DTX4: variants seen among roughly 807,000 people sequenced by gnomAD.
DTX4 encodes the protein deltex E3 ubiquitin ligase 4.
A neutral mutation model predicts 57.6 loss-of-function variants in DTX4; 28 were observed. The observed-to-expected ratio is 0.49, with a 90% confidence interval of 0.36 to 0.67. The LOEUF (loss-of-function observed/expected upper bound fraction) is 0.67. Among genes scored for constraint, DTX4 ranks in the 30% least tolerant of loss-of-function variants. The pLI, the probability that DTX4 is intolerant of heterozygous loss-of-function variation, is 0.00. For missense variants in DTX4, 715 were observed against 836.8 expected, an observed-to-expected ratio of 0.85 and a Z score of 1.80; for synonymous variants, 316 against 331.0, an observed-to-expected ratio of 0.95 and a Z score of 0.49.
chr11:59,195,196 T>G lies in DTX4; in HGVS notation c.1375-12T>G, dbSNP rs760002770. On this transcript the variant is annotated splice_polypyrimidine_tract_variant and intron_variant, in intron 6 of 8. Transcript: ENST00000227451. ...GTTTCCCAATCTGGCTCTTCTGGCC[T>G]TGGCCCCTCAGGATGGAAGTTTGCA... is the stretch of plus-strand genomic sequence containing the variant. 3 of 1,613,982 alleles carry G rather than the reference T, an allele frequency of 1.9e-6. No homozygotes were observed. The highest frequency in any genetic ancestry group is 2.5e-6 in the Non-Finnish European group (3 of 1,179,852).
At chr11:59,173,088 T>G (rs1474001584) in intron 1 of DTX4, among the ~76,000 whole-genome samples, 1 of 152,216 alleles carries the variant, frequency 6.6e-6, no homozygotes, top group African/African-American at 2.4e-5. Context: ...GCCCCCGCTT[T>G]TCAGCAGTTG....
intron 8 of DTX4, among the ~76,000 whole-genome samples, chr11:59,202,519 A>G (rs1456791116): frequency 6.6e-6 from 1 of 152,220 alleles, no homozygotes; most frequent in Non-Finnish European, 1.5e-5. Context: ...TACTATGTCT[A>G]TACATCCTTC....
At chr11:59,175,672 A>T (rs1245148183) in intron 1 of DTX4, among the ~76,000 whole-genome samples, 1 of 152,048 alleles carries the variant, frequency 6.6e-6, no homozygotes, top group East Asian at 1.9e-4. Context: ...ATTTACCTTG[A>T]CTGGGTTGTC....
intron 1 of DTX4, among the ~76,000 whole-genome samples, chr11:59,181,234 G>C (rs1229636821): frequency 6.6e-6 from 1 of 152,186 alleles, no homozygotes; most frequent in Admixed American, 6.5e-5. Flanking sequence ...AGCACCTACT[G>C]TGTGTCAAGG....
intron 7 of DTX4, among the ~76,000 whole-genome samples, chr11:59,199,225 T>C (rs1862711509): frequency 6.6e-6 from 1 of 152,150 alleles, no homozygotes; most frequent in Admixed American, 6.5e-5. Context: ...AACCTGGGCT[T>C]CAATTTTAGC....
chr11:59,173,041 A>G (rs980954741), intron 1 of DTX4, among the ~76,000 whole-genome samples: 6 of 152,018 alleles, frequency 3.9e-5, no homozygotes, highest in African/African-American at 1.2e-4. Context: ...CCCAGCTTCA[A>G]CCTAGTCGGT....
In DTX4 at chr11:59,172,560, A is replaced by G; in HGVS notation, c.-36A>G. The G allele has an allele frequency of 3.1e-6, 4 of 1,297,820 alleles. No individual in the cohort carries two copies. The highest frequency in any genetic ancestry group is 3.9e-6 in the Non-Finnish European group (4 of 1,018,124). The allele number at this position is 1,297,820 out of a possible 1,614,324, so 80.4% of individuals were successfully genotyped here. A position where few individuals can be genotyped will look rare whatever the true frequency, so the allele number is the denominator to read the frequency against. On this transcript the variant is annotated 5_prime_UTR_variant, in exon 1 of 9. Coordinates refer to ENST00000227451, the MANE Select transcript of DTX4 (RefSeq NM_015177.2). ...GGAGGTCGGGCGCTCGGGGCCCGGG[A>G]GGCGGGCCGCGCAGCGCCGCAGCCC...
At chr11:59,186,211 A>G (rs1456902183) in intron 2 of DTX4, among the ~76,000 whole-genome samples, 1 of 152,118 alleles carries the variant, frequency 6.6e-6, no homozygotes, top group African/African-American at 2.4e-5. Context: ...TCCCAGGTCC[A>G]CATGCGGGCC....
At chr11:59,198,283 C>G (rs766548294) in intron 7 of DTX4, among the ~76,000 whole-genome samples, 1 of 152,116 alleles carries the variant, frequency 6.6e-6, no homozygotes, top group Non-Finnish European at 1.5e-5. Flanking sequence ...AAGCGGCAGT[C>G]GAAGGCAGAT....
At chr11:59,171,837 A>G (rs1293893480), upstream of DTX4, among the ~76,000 whole-genome samples, 1 of 152,086 alleles carries the variant, frequency 6.6e-6, no homozygotes, top group African/African-American at 2.4e-5. Context: ...TAAGGAAAAA[A>G]AAAGAGAGAG....
chr11:59,187,270 A>G (rs1436740515), intron 2 of DTX4, among the ~76,000 whole-genome samples: 1 of 152,216 alleles, frequency 6.6e-6, no homozygotes, highest in Middle Eastern at 3.2e-3. Context: ...TAGCTGTGTG[A>G]TCTTACCAAG....
rs946761162 is a variant in DTX4, at chr11:59,204,756, C to T, written c.1707C>T (p.Asp569=). Reference sequence around the variant, plus strand: ...CCTCCAGCACCACAGGCGAGTCAGACACCGTCATCTGGAATGAGGTCCACC... The same window carrying T: ...CCTCCAGCACCACAGGCGAGTCAGATACCGTCATCTGGAATGAGGTCCACC... ...IGTSSTTGES[D]TVIWNEVHHK... The change falls in exon 9 of 9, where the codon GAC becomes GAT. Residue 569 remains aspartate (D), a synonymous_variant. Coordinates refer to ENST00000227451, the MANE Select transcript of DTX4 (RefSeq NM_015177.2). 3 of 1,613,786 alleles carry T rather than the reference C, an allele frequency of 1.9e-6. No homozygotes were observed. Among genetic ancestry groups the T allele is most frequent in the African/African-American group, 1.3e-5 (1 of 75,066 alleles).
intron 1 of DTX4, among the ~76,000 whole-genome samples, chr11:59,180,054 T>C (rs1303952455): frequency 5.3e-5 from 8 of 152,158 alleles, no homozygotes; most frequent in Non-Finnish European, 1.2e-4. Context: ...CTTGCCATGG[T>C]GACAGGTGCT....
At chr11:59,174,501 G>A (rs200745065) in intron 1 of DTX4, among the ~76,000 whole-genome samples, 16 of 118,034 alleles carry the variant, frequency 1.4e-4, no homozygotes, top group East Asian at 4.9e-4. Flanking sequence ...TCCAGTCCTG[G>A]AAAAAAAAAA....
intron 1 of DTX4, among the ~76,000 whole-genome samples, chr11:59,179,127 A>G (rs1400286774): frequency 6.6e-6 from 1 of 152,160 alleles, no homozygotes; most frequent in Non-Finnish European, 1.5e-5. Flanking sequence ...AGAGAATATA[A>G]AATAGTGCCA....
At chr11:59,188,590 T>A (rs1862556801) in intron 2 of DTX4, 145 bp from the exon 3 acceptor site, 1 of 659,158 alleles carries the variant, frequency 1.5e-6, no homozygotes, top group Non-Finnish European at 2.7e-6. Flanking sequence ...AGTGGTGGCA[T>A]GACATGGCCT....
chr11:59,203,499 C>G (rs1307716692), intron 8 of DTX4, among the ~76,000 whole-genome samples: 1 of 152,138 alleles, frequency 6.6e-6, no homozygotes, highest in African/African-American at 2.4e-5. Context: ...ACATCCATAT[C>G]TTATCCTGCT....
rs368724184 is a variant in DTX4, at chr11:59,182,136, C to T, written c.609C>T (p.Ala203=). Residue 203 remains alanine (A), a synonymous_variant, in exon 2 of 9, where the codon GCC becomes GCT. Coordinates refer to ENST00000227451, the MANE Select transcript of DTX4 (RefSeq NM_015177.2). Reference sequence around the variant, plus strand: ...TCTTGGTGATGAGTGTTAAGGCAGCCGTGGTCAATGGCAGCACTGGGCCCC... The same window carrying T: ...TCTTGGTGATGAGTGTTAAGGCAGCTGTGGTCAATGGCAGCACTGGGCCCC... ...QCVLVMSVKA[A]VVNGSTGPLQ... 5.4e-5 allele frequency: 87 copies of T among 1,613,506 alleles called. No homozygotes were observed. Among genetic ancestry groups the T allele is most frequent in the Middle Eastern group, 1.6e-4 (1 of 6,062 alleles).
chr11:59,208,479 T>C lies in DTX4; in HGVS notation c.*3570T>C, dbSNP rs1266687935. 1 of 152,222 alleles carries C rather than the reference T, an allele frequency of 6.6e-6. No homozygotes were observed. The highest frequency in any genetic ancestry group is 1.5e-5 in the Non-Finnish European group (1 of 68,042). The allele number at this position is 152,222 out of a possible 1,614,324, so 9.4% of individuals were successfully genotyped here. A position where few individuals can be genotyped will look rare whatever the true frequency, so the allele number is the denominator to read the frequency against. ...TAAAGGTCTCTTTGCCTGGCTGCAA[T>C]ATAGTGTGTGTTTAAATTATTTACA... is the stretch of plus-strand genomic sequence containing the variant. On this transcript the variant is annotated 3_prime_UTR_variant, in exon 9 of 9. Coordinates refer to ENST00000227451, the MANE Select transcript of DTX4 (RefSeq NM_015177.2).
Sources: allele counts gnomAD v4.1 joint callset (sites outside exome capture counted in the v4.1 genomes callset), GRCh38; gene constraint gnomAD v4.1.1; transcripts MANE v1.5; gene names NCBI Gene and HGNC (gene_info 2026-07-23, HGNC 2026-07-21).